Variants in CCDC28B observed in about 807,000 individuals in gnomAD.
CCDC28B encodes the protein coiled-coil domain-containing protein 28B.
A neutral mutation model predicts 18.7 loss-of-function variants in CCDC28B; 17 were observed. The observed-to-expected ratio is 0.91, with a 90% CI of 0.62 to 1.36. The LOEUF (loss-of-function observed/expected upper bound fraction) is 1.36. CCDC28B is among the 40% of genes most tolerant of loss of function. The pLI is 0.00. For synonymous variants in CCDC28B, 116 were observed against 105.1 expected (o/e 1.10, Z -0.64); for missense variants, 213 against 251.7 (o/e 0.85, Z 1.04).
At position 32,204,020 on chromosome 1, in the gene CCDC28B, C is replaced by T. The variant is rs2124190935; in HGVS notation, c.306C>T (p.Phe102=). 6.4e-7 allele frequency: 1 copy of T among 1,555,570 alleles called. No individual in the cohort carries two copies. The highest frequency in any genetic ancestry group is 8.7e-7 in the Non-Finnish European group (1 of 1,152,192). The change falls in exon 3 of 6, where the codon TTC becomes TTT. Residue 102 remains phenylalanine (F), a synonymous_variant. Coordinates refer to ENST00000373602, the MANE Select transcript of CCDC28B (RefSeq NM_024296.5). Reference sequence around the variant, plus strand: ...GACTCCTGAACCTGCTCAATGATTTCCACTCTGGCCGGCTGCAGGCCTTCG... The same window carrying T: ...GACTCCTGAACCTGCTCAATGATTTTCACTCTGGCCGGCTGCAGGCCTTCG... ...EGGLLNLLND[F]HSGRLQAFGK...
intron 1 of CCDC28B, among the ~76,000 whole-genome samples, chr1:32,201,371 AAACCCACAATG>A (rs1243460559): frequency 6.6e-6 from 1 of 151,840 alleles, no homozygotes; most frequent in African/African-American, 2.4e-5. Flanking sequence ...TATGTGGGGG[AAACCCACAATG>A]AACCCTGCCC....
At chr1:32,202,417 G>A (rs747206742) in intron 2 of CCDC28B, 19 of 484,916 alleles carry the variant, frequency 3.9e-5, no homozygotes, top group Non-Finnish European at 6.0e-5. Context: ...TTACCTGAAA[G>A]GTTTCAGGAA....
intron 2 of CCDC28B, among the ~76,000 whole-genome samples, chr1:32,203,501 G>A (rs930931955): frequency 6.6e-5 from 10 of 152,104 alleles, no homozygotes; most frequent in African/African-American, 2.4e-4. Context: ...ATTTTGGGAG[G>A]AGGTAAGACA....
In CCDC28B at chr1:32,205,043, G is replaced by C; in HGVS notation, c.549-151G>C. ...ATGAAGAGAGAGGGGGTGAGAGAGG[G>C]CAGGCGGGGACTGCAACCTCAGTCC... On this transcript the variant is annotated intron_variant, in intron 5 of 5. Coordinates refer to ENST00000373602, the MANE Select transcript of CCDC28B (RefSeq NM_024296.5). This position sits in a 1 kb window ranked among gnomAD's most constrained non-coding sequence, Gnocchi z 5.6. 2 of 1,178,888 alleles carry C rather than the reference G, an allele frequency of 1.7e-6. No individual in the cohort carries two copies. The highest frequency in any genetic ancestry group is 2.4e-6 in the Non-Finnish European group (2 of 847,808). 73.0% of individuals were successfully genotyped at this position (1,178,888 alleles called of 1,614,324 possible).
chr1:32,198,704 T>A (rs1406081962), upstream of CCDC28B, among the ~76,000 whole-genome samples: 1 of 152,132 alleles, frequency 6.6e-6, no homozygotes, highest in Non-Finnish European at 1.5e-5. Flanking sequence ...AGGTAGAAGA[T>A]GAACGTCATT....
Position 32,205,085 on chromosome 1 carries a change from C to T in CCDC28B, c.549-109C>T. 7.2e-7 allele frequency: 1 copy of T among 1,386,354 alleles called. No individual in the cohort carries two copies. The highest frequency in any genetic ancestry group is 9.9e-7 in the Non-Finnish European group (1 of 1,013,492). The allele number at this position is 1,386,354 out of a possible 1,614,324, so 85.9% of individuals were successfully genotyped here. A position where few individuals can be genotyped will look rare whatever the true frequency, so the allele number is the denominator to read the frequency against. ...CCTCAGTCCACAGACGGCCCGAGAC[C>T]CTCGTCCCCGGCCCTTTGCACAGGT... On this transcript the variant is annotated intron_variant, in intron 5 of 5. Coordinates refer to ENST00000373602, the MANE Select transcript of CCDC28B (RefSeq NM_024296.5). The surrounding 1 kb of genome is among the most constrained non-coding windows in gnomAD (Gnocchi z 5.6).
chr1:32,205,096 G>C lies in CCDC28B; in HGVS notation c.549-98G>C. The C allele has an allele frequency of 1.4e-6, 2 of 1,464,666 alleles. No homozygotes were observed. The highest frequency in any genetic ancestry group is 1.9e-6 in the Non-Finnish European group (2 of 1,071,746). The allele number at this position is 1,464,666 out of a possible 1,614,324, so 90.7% of individuals were successfully genotyped here. ...AGACGGCCCGAGACCCTCGTCCCCG[G>C]CCCTTTGCACAGGTGAGGGAACTAA... On this transcript the variant is annotated intron_variant, in intron 5 of 5. Transcript: ENST00000373602. The surrounding 1 kb of genome is among the most constrained non-coding windows in gnomAD (Gnocchi z 5.6).
chr1:32,196,017 A>T (rs1569639302), upstream of CCDC28B: 2 of 176,872 alleles, frequency 1.1e-5, no homozygotes, highest in African/African-American at 3.2e-5. Context: ...TTTGCACATG[A>T]CAGTGTTTGT....
chr1:32,201,774 T>C, intron 1 of CCDC28B, 139 bp from the exon 2 acceptor site: 1 of 679,522 alleles, frequency 1.5e-6, no homozygotes, highest in South Asian at 2.1e-5. Context: ...GACACTGGCA[T>C]CTGGCTCTGC....
chr1:32,202,157 G>A, intron 2 of CCDC28B, 58 bp downstream of exon 2: 2 of 1,608,468 alleles, frequency 1.2e-6, no homozygotes, highest in African/African-American at 1.3e-5. Flanking sequence ...GCACTGTAGA[G>A]AGGAAGGCAA....
At position 32,204,274 on chromosome 1, in the gene CCDC28B, G is replaced by A. The variant is rs752343041; in HGVS notation, c.420G>A (p.Gly140=). Residue 140 remains glycine (G), a synonymous_variant, in exon 4 of 6, where the codon GGG becomes GGA. Coordinates refer to ENST00000373602, the MANE Select transcript of CCDC28B (RefSeq NM_024296.5). The stretch of plus-strand genomic sequence containing the variant: ...TGCACTTCAGCCTGGATGTGTGTGG[G>A]GAGGAGGAGGACGATGAAGAGGAAG... The part of the protein sequence containing the change: ...ARLHFSLDVC[G]EEEDDEEEED... The A allele has an allele frequency of 6.2e-7, 1 of 1,613,894 alleles. No individual in the cohort carries two copies. The highest frequency in any genetic ancestry group is 8.5e-7 in the Non-Finnish European group (1 of 1,179,830).
At chr1:32,198,534 C>T (rs567235330), upstream of CCDC28B, among the ~76,000 whole-genome samples, 3 of 152,184 alleles carry the variant, frequency 2.0e-5, no homozygotes. Flanking sequence ...CACACACACA[C>T]AAAAAAGTTT....
intron 2 of CCDC28B, chr1:32,202,596 C>G (rs1203490745): frequency 1.6e-5 from 5 of 314,984 alleles, no homozygotes; most frequent in Non-Finnish European, 3.1e-5. Flanking sequence ...TATTCTTTCT[C>G]CAGTTGCTCC....
intron 1 of CCDC28B, 142 bp from the exon 2 acceptor site, chr1:32,201,771 G>A: frequency 1.5e-6 from 1 of 657,818 alleles, no homozygotes. Context: ...GCAGACACTG[G>A]CATCTGGCTC....
At chr1:32,199,274 G>A (rs572264793), upstream of CCDC28B, among the ~76,000 whole-genome samples, 2 of 152,332 alleles carry the variant, frequency 1.3e-5, no homozygotes, top group East Asian at 3.9e-4. Context: ...GACTGTGACA[G>A]TCCCAGCAGA....
rs369211666 is a variant in CCDC28B, at chr1:32,204,239, C to T, written c.385C>T (p.Leu129=). 6.7e-5 allele frequency: 108 copies of T among 1,613,972 alleles called. No individual in the cohort carries two copies. Among genetic ancestry groups the T allele is most frequent in the Non-Finnish European group, 9.0e-5 (106 of 1,180,006 alleles). The change falls in exon 4 of 6, where the codon CTA becomes TTA. Residue 129 remains leucine, a synonymous_variant. Coordinates refer to ENST00000373602, the MANE Select transcript of CCDC28B (RefSeq NM_024296.5). The part of the protein sequence containing the change: ...LEHVREMQEK[L]ARLHFSLDVC... ...GCACGTTCGGGAGATGCAGGAGAAGCTAGCCCGGCTGCACTTCAGCCTGGA... is the reference window on the plus strand; with the variant it reads ...GCACGTTCGGGAGATGCAGGAGAAGTTAGCCCGGCTGCACTTCAGCCTGGA...
chr1:32,198,471 T>C (rs1643072754), upstream of CCDC28B, among the ~76,000 whole-genome samples: 1 of 152,248 alleles, frequency 6.6e-6, no homozygotes, highest in East Asian at 1.9e-4. Flanking sequence ...TCACTTGAGC[T>C]GCCTGAGTGG....
At position 32,205,213 on chromosome 1, in the gene CCDC28B, G is replaced by C. The variant is rs374918488; in HGVS notation, c.568G>C (p.Glu190Gln). The change falls in exon 6 of 6, where the codon GAG becomes CAG. Residue 190 changes from glutamate (E) to glutamine (Q), a missense_variant. Coordinates refer to ENST00000373602, the MANE Select transcript of CCDC28B (RefSeq NM_024296.5). This position sits in a 1 kb window ranked among gnomAD's most constrained non-coding sequence, Gnocchi z 5.6. ...SNSIQKLHLAENAEPEEQSAA is the reference protein window; with the variant it reads ...SNSIQKLHLAQNAEPEEQSAA ...GCACAGCCAGAAGCTGCACCTGGCCGAGAACGCCGAGCCTGAGGAGCAGTC... is the reference window on the plus strand; with the variant it reads ...GCACAGCCAGAAGCTGCACCTGGCCCAGAACGCCGAGCCTGAGGAGCAGTC... The C allele has an allele frequency of 6.2e-7, 1 of 1,613,932 alleles. No homozygotes were observed. Among genetic ancestry groups the C allele is most frequent in the Non-Finnish European group, 8.5e-7 (1 of 1,179,916 alleles).
Position 32,205,099 on chromosome 1 carries a change from C to G in CCDC28B, c.549-95C>G. The G allele has an allele frequency of 1.3e-6, 2 of 1,497,248 alleles. No individual in the cohort carries two copies. The highest frequency in any genetic ancestry group is 1.8e-6 in the Non-Finnish European group (2 of 1,095,580). 92.7% of individuals were successfully genotyped at this position (1,497,248 alleles called of 1,614,324 possible). A position where few individuals can be genotyped will look rare whatever the true frequency, so the allele number is the denominator to read the frequency against. On this transcript the variant is annotated intron_variant, in intron 5 of 5. Transcript: ENST00000373602. This position sits in a 1 kb window ranked among gnomAD's most constrained non-coding sequence, Gnocchi z 5.6. ...CGGCCCGAGACCCTCGTCCCCGGCC[C>G]TTTGCACAGGTGAGGGAACTAAACC...
Sources: allele counts gnomAD v4.1 joint callset (sites outside exome capture counted in the v4.1 genomes callset), GRCh38; gene constraint gnomAD v4.1.1; non-coding constraint Gnocchi (gnomAD v3.1); transcripts MANE v1.5; gene names NCBI Gene and HGNC (gene_info 2026-07-23, HGNC 2026-07-21).